GTF2IRD1: variants seen among roughly 807,000 people sequenced by gnomAD.
The protein encoded by GTF2IRD1 is GTF2I repeat domain containing 1, also known as general transcription factor II-I repeat domain-containing protein 1.
GTF2IRD1 carries 26 observed loss-of-function variants against 113.2 expected under a neutral mutation model. That is an observed-to-expected ratio of 0.23 (90% CI 0.17 to 0.32). The LOEUF (loss-of-function observed/expected upper bound fraction) is 0.32, where lower values mean the gene tolerates loss of function less well. Ranked by LOEUF, GTF2IRD1 falls within the 10% of genes least tolerant of loss-of-function variation. GTF2IRD1 has a pLI of 1.00. For missense variants in GTF2IRD1, 864 were observed against 1,280.8 expected (o/e 0.67, Z 4.97); for synonymous variants, 484 against 529.1 (o/e 0.91, Z 1.17).
chr7:74,496,195 G>A (rs374278647), intron 1 of GTF2IRD1, among the ~76,000 whole-genome samples: 8 of 151,936 alleles, frequency 5.3e-5, no homozygotes, highest in South Asian at 2.1e-4. Flanking sequence ...GTGGCTATGC[G>A]TGCGTATGTG....
At chr7:74,468,347 A>G (rs1793853055) in intron 1 of GTF2IRD1, among the ~76,000 whole-genome samples, 1 of 79,332 alleles carries the variant, frequency 1.3e-5, no homozygotes, top group African/African-American at 4.9e-5. Flanking sequence ...TACAAAACAT[A>G]AAAATAATTT....
rs61151844 is a variant in GTF2IRD1, at chr7:74,476,366, C to CTTTTTTT, written c.-7+22195_-7+22201dup. On this transcript the variant is annotated intron_variant, in intron 1 of 26. Coordinates refer to ENST00000424337, the MANE Select transcript of GTF2IRD1 (RefSeq NM_005685.4). The stretch of plus-strand genomic sequence containing the variant: ...CCCGCTTGGAAGCCTTCTGAACCTC[C>CTTTTTTT]TTTTTTTTTTTCTTTTGAGACGGAG... 3.2e-4 allele frequency among the ~76,000 whole-genome samples: 39 copies of CTTTTTTT among 122,140 alleles called. 4 individuals are homozygous for CTTTTTTT. The highest frequency in any genetic ancestry group is 4.9e-4 in the East Asian group (2 of 4,108). The allele number at this position is 122,140 out of a possible 152,430, so 80.1% of individuals were successfully genotyped here. A position where few individuals can be genotyped will look rare whatever the true frequency, so the allele number is the denominator to read the frequency against.
chr7:74,591,064 G>C, intron 24 of GTF2IRD1, 47 bp downstream of exon 24: 1 of 1,421,606 alleles, frequency 7.0e-7, no homozygotes, highest in Non-Finnish European at 9.8e-7. Flanking sequence ...GCGAGGCCAT[G>C]GGGAGGGTGA....
At chr7:74,589,721 T>G in intron 22 of GTF2IRD1, 130 bp from the exon 23 acceptor site, 1 of 550,902 alleles carries the variant, frequency 1.8e-6, no homozygotes, top group Non-Finnish European at 3.3e-6. Flanking sequence ...AAAAAACAGC[T>G]ATATAGGAGT....
chr7:74,564,538 C>T (rs1213462323), intron 22 of GTF2IRD1, among the ~76,000 whole-genome samples: 1 of 152,070 alleles, frequency 6.6e-6, no homozygotes, highest in African/African-American at 2.4e-5. Flanking sequence ...ATCACTTGAG[C>T]CCAGGAGTTT....
chr7:74,509,232 C>T (rs900878709), intron 2 of GTF2IRD1, among the ~76,000 whole-genome samples: 2 of 152,134 alleles, frequency 1.3e-5, no homozygotes, highest in Non-Finnish European at 2.9e-5. Context: ...TGGCACATGC[C>T]TGTAATCCCA....
chr7:74,574,520 A>T (rs1332592379), intron 22 of GTF2IRD1, among the ~76,000 whole-genome samples: 4 of 146,802 alleles, frequency 2.7e-5, no homozygotes. Context: ...GTGCAGTAGC[A>T]CGATCACGGC....
intron 22 of GTF2IRD1, among the ~76,000 whole-genome samples, chr7:74,565,965 C>A (rs1177902118): frequency 2.7e-5 from 4 of 150,364 alleles, no homozygotes; most frequent in Non-Finnish European, 4.4e-5. Context: ...CTCACTTCAA[C>A]CTGAGTGACA....
At chr7:74,539,853 C>T (rs782697003) in intron 13 of GTF2IRD1, 26 bp from the exon 14 acceptor site, 23 of 1,543,842 alleles carry the variant, frequency 1.5e-5, no homozygotes, top group Middle Eastern at 2.3e-4. Flanking sequence ...AGAAGATACC[C>T]GTGTCATTCG....
intron 25 of GTF2IRD1, among the ~76,000 whole-genome samples, chr7:74,599,451 GC>G: frequency 6.6e-6 from 1 of 152,132 alleles, no homozygotes; most frequent in East Asian, 1.9e-4. Flanking sequence ...TTTTATGCAT[GC>G]GGTGTTTTTT....
intron 23 of GTF2IRD1, among the ~76,000 whole-genome samples, chr7:74,590,615 TC>T (rs1244127713): frequency 2.0e-5 from 3 of 151,902 alleles, no homozygotes; most frequent in Non-Finnish European, 4.4e-5. Context: ...ATGGTCTCGA[TC>T]TCCTGACCTC....
At chr7:74,472,499 C>A (rs1171496461) in intron 1 of GTF2IRD1, among the ~76,000 whole-genome samples, 1 of 152,188 alleles carries the variant, frequency 6.6e-6, no homozygotes, top group East Asian at 1.9e-4. Context: ...GTAATCCCAG[C>A]ACTTTGGGAG....
Position 74,529,339 on chromosome 7 carries a change from G to A in GTF2IRD1, c.1091-395G>A, listed in dbSNP as rs191585586. ...CATGATCTTGGCTCACTGCAGCTTC[G>A]AACTCCTAGGCTCAAGTGATTCTCC... On this transcript the variant is annotated intron_variant, in intron 8 of 26. Coordinates refer to ENST00000424337, the MANE Select transcript of GTF2IRD1 (RefSeq NM_005685.4). Among the ~76,000 whole-genome samples, 165 of 152,102 alleles carry A rather than the reference G, an allele frequency of 1.1e-3. No homozygotes were observed. In the Middle Eastern group the frequency reaches 0.014, roughly 13 times the overall value.
intron 1 of GTF2IRD1, chr7:74,506,118 G>T (rs970220923): frequency 6.6e-6 from 1 of 152,262 alleles, no homozygotes. Context: ...GAGCTCTGAT[G>T]CATCTCTCAT....
At chr7:74,554,421 G>T (rs1305750632) in intron 17 of GTF2IRD1, among the ~76,000 whole-genome samples, 1 of 152,170 alleles carries the variant, frequency 6.6e-6, no homozygotes, top group Non-Finnish European at 1.5e-5. Flanking sequence ...ACAGAGCTGG[G>T]CTTGGTCACT....
chr7:74,565,635 G>A (rs1488065785), intron 22 of GTF2IRD1, among the ~76,000 whole-genome samples: 1 of 152,016 alleles, frequency 6.6e-6, no homozygotes, highest in African/African-American at 2.4e-5. Flanking sequence ...CCAGGTAGCT[G>A]CTGTAATATT....
rs182628686 is a variant in GTF2IRD1, at chr7:74,484,690, G to A, written c.-6-23385G>A. The stretch of plus-strand genomic sequence containing the variant: ...GCCAGGCTGGTCTCAAACTCCTGAC[G>A]TCAGGTGATCCACCCGCCTCAGCCT... On this transcript the variant is annotated intron_variant, in intron 1 of 26. Transcript: ENST00000424337. 2.3e-3 allele frequency among the ~76,000 whole-genome samples: 352 copies of A among 151,386 alleles called. 2 individuals carry two copies. The highest frequency in any genetic ancestry group is 8.1e-3 in the African/African-American group (334 of 41,258).
chr7:74,468,661 CAAA>C (rs563484086), intron 1 of GTF2IRD1, among the ~76,000 whole-genome samples: 1 of 81,544 alleles, frequency 1.2e-5, no homozygotes, highest in African/African-American at 4.8e-5. Context: ...ACTCCATCTC[CAAA>C]AAAAAAAAAA....
chr7:74,549,228 G>A (rs1476212260), intron 17 of GTF2IRD1, among the ~76,000 whole-genome samples: 5 of 151,384 alleles, frequency 3.3e-5, no homozygotes, highest in East Asian at 1.9e-4. Context: ...ACTTGAACCC[G>A]GGAGGCGGAG....
Sources: allele counts gnomAD v4.1 joint callset (sites outside exome capture counted in the v4.1 genomes callset), GRCh38; gene constraint gnomAD v4.1.1; transcripts MANE v1.5; gene names NCBI Gene and HGNC (gene_info 2026-07-23, HGNC 2026-07-21).